The following SLC26A8 variants were observed in gnomAD, a reference collection of about 807,000 sequenced individuals.
SLC26A8 encodes the protein solute carrier family 26 member 8.
In SLC26A8, 70 loss-of-function variants were observed where a neutral mutation model predicts 105.0. That is an observed-to-expected ratio of 0.67 (90% CI 0.55 to 0.81). SLC26A8 has a LOEUF of 0.81. SLC26A8 is among the 40% of genes least tolerant of loss of function. The pLI is 0.00. For synonymous variants in SLC26A8, 415 were observed against 438.3 expected, an observed-to-expected ratio of 0.95 and a Z score of 0.66; for missense variants, 998 against 1,181.8, an observed-to-expected ratio of 0.84 and a Z score of 2.28.
chr6:36,015,244 C>A (rs905083444), intron 2 of SLC26A8, among the ~76,000 whole-genome samples: 5 of 151,986 alleles, frequency 3.3e-5, no homozygotes, highest in African/African-American at 1.2e-4. Flanking sequence ...TACCGAGTAG[C>A]TGGAATGACA....
intron 2 of SLC26A8, 123 bp downstream of exon 2, chr6:36,019,397 C>A (rs1268860533): frequency 6.5e-6 from 7 of 1,077,458 alleles, no homozygotes; most frequent in Non-Finnish European, 9.1e-6. Context: ...AAAAATTGCA[C>A]AATAAACTGC....
intron 2 of SLC26A8, among the ~76,000 whole-genome samples, chr6:36,016,638 C>G (rs1318352265): frequency 6.6e-6 from 1 of 152,114 alleles, no homozygotes; most frequent in Non-Finnish European, 1.5e-5. Flanking sequence ...TTCAATGTAA[C>G]TGGTTTTCCT....
In SLC26A8 at chr6:36,018,026, G is replaced by A. The variant is rs138796156; in HGVS notation, c.188+1494C>T. 9.5e-3 allele frequency among the ~76,000 whole-genome samples: 1,446 copies of A among 152,278 alleles called. 61 individuals are homozygous for A. The highest frequency in any genetic ancestry group is 0.071 in the Admixed American group (1,092 of 15,294). On this transcript the variant is annotated intron_variant, in intron 2 of 19. Transcript: ENST00000490799. ...TAGGTTGGCTATAATTTAAAAAAAT[G>A]GAAAATAACAAATGTTGGAGAGCAC...
intron 2 of SLC26A8, among the ~76,000 whole-genome samples, chr6:36,014,700 C>T (rs540005769): frequency 7.2e-5 from 11 of 151,960 alleles, no homozygotes; most frequent in African/African-American, 2.4e-4. Context: ...GCCAATATGG[C>T]GAAACCCCGT....
In SLC26A8 at chr6:36,012,391, G is replaced by A. The variant is rs778048906; in HGVS notation, c.189-19C>T. On this transcript the variant is annotated intron_variant, in intron 2 of 19. Transcript: ENST00000490799. ...TGAGCAGCTGTGAGAGAGAGGAGCA[G>A]AGACTTGGTTAGTTTCTCCAAAGAA... is the stretch of plus-strand genomic sequence containing the variant. 6.4e-7 allele frequency: 1 copy of A among 1,557,410 alleles called. No individual in the cohort carries two copies. Among genetic ancestry groups the A allele is most frequent in the East Asian group, 2.3e-5 (1 of 42,746 alleles).
intron 19 of SLC26A8, 52 bp from the exon 20 acceptor site, chr6:35,944,392 T>G (rs1198685167): frequency 1.5e-6 from 2 of 1,292,138 alleles, no homozygotes; most frequent in Non-Finnish European, 2.2e-6. Context: ...AACCTTCTGC[T>G]GAACGCAGTG....
chr6:35,979,293 C>T (rs1000428773), intron 8 of SLC26A8, among the ~76,000 whole-genome samples: 2 of 151,898 alleles, frequency 1.3e-5, no homozygotes, highest in African/African-American at 4.8e-5. Context: ...CTGGCTAACA[C>T]GGTGAAACCC....
intron 17 of SLC26A8, among the ~76,000 whole-genome samples, chr6:35,951,989 A>G (rs947987375): frequency 6.6e-6 from 1 of 152,222 alleles, no homozygotes; most frequent in Non-Finnish European, 1.5e-5. Context: ...TATGCCGGAA[A>G]ACATCTACAG....
intron 3 of SLC26A8, among the ~76,000 whole-genome samples, chr6:36,009,855 G>T (rs1018297977): frequency 6.6e-6 from 1 of 152,184 alleles, no homozygotes; most frequent in Non-Finnish European, 1.5e-5. Context: ...ACTGGGTAAA[G>T]GGTACATGGG....
intron 11 of SLC26A8, among the ~76,000 whole-genome samples, chr6:35,966,495 C>G (rs1772521725): frequency 1.3e-5 from 2 of 152,156 alleles, no homozygotes; most frequent in South Asian, 4.1e-4. Flanking sequence ...AAGTTAAACT[C>G]ATACATAATT....
chr6:35,997,920 C>A lies in SLC26A8; in HGVS notation c.446-1G>T, dbSNP rs1224480888. 3 of 1,613,248 alleles carry A rather than the reference C, an allele frequency of 1.9e-6. No homozygotes were observed. Among genetic ancestry groups the A allele is most frequent in the Non-Finnish European group, 2.5e-6 (3 of 1,179,596 alleles). On this transcript the variant is annotated splice_acceptor_variant, in intron 4 of 19. Coordinates refer to ENST00000490799, the MANE Select transcript of SLC26A8 (RefSeq NM_052961.4). LOFTEE classifies it high-confidence loss of function. Reference sequence around the variant, plus strand: ...AGAGCACTCACCAGGAAGAAGGAACCTGTGGAAGAAGATGTTAGGTAGAAG... The same window carrying A: ...AGAGCACTCACCAGGAAGAAGGAACATGTGGAAGAAGATGTTAGGTAGAAG...
In SLC26A8 at chr6:35,955,285, A is replaced by G; in HGVS notation, c.2099T>C (p.Val700Ala). ...SRNSSPGLPD[V>A]AESQGRRSLI... ...TGATCTCCTCCCCTGGCTTTCCGCC[A>G]CATCAGGCAGTCCTGGTGAGCTGTT... The change falls in exon 17 of 20, where the codon GTG becomes GCG. Residue 700 changes from valine (V) to alanine (A), a missense_variant. Transcript: ENST00000490799. 1 of 1,614,190 alleles carries G rather than the reference A, an allele frequency of 6.2e-7. No homozygotes were observed. Among genetic ancestry groups the G allele is most frequent in the South Asian group, 1.1e-5 (1 of 91,084 alleles).
At chr6:35,945,048 C>T (rs1456226227) in intron 19 of SLC26A8, among the ~76,000 whole-genome samples, 1 of 152,102 alleles carries the variant, frequency 6.6e-6, no homozygotes, top group Admixed American at 6.6e-5. Flanking sequence ...CAGGGTTTCA[C>T]CATGTTGGCC....
intron 2 of SLC26A8, among the ~76,000 whole-genome samples, chr6:36,019,072 C>T (rs967044141): frequency 5.3e-5 from 8 of 152,138 alleles, no homozygotes; most frequent in South Asian, 2.1e-4. Context: ...AATTACAGCA[C>T]GTGCCACCAC....
intron 17 of SLC26A8, among the ~76,000 whole-genome samples, chr6:35,951,815 A>G (rs754222093): frequency 2.6e-5 from 4 of 152,198 alleles, no homozygotes; most frequent in Non-Finnish European, 4.4e-5. Context: ...TGACTTCGTG[A>G]TCTGCCTGCC....
chr6:35,969,040 C>T, intron 10 of SLC26A8, 86 bp from the exon 11 acceptor site: 1 of 1,193,410 alleles, frequency 8.4e-7, no homozygotes, highest in Non-Finnish European at 1.2e-6. Flanking sequence ...TGGTGAGAAG[C>T]ATGTCAATTT....
chr6:35,953,978 A>C (rs1771966183), intron 17 of SLC26A8, among the ~76,000 whole-genome samples: 1 of 152,226 alleles, frequency 6.6e-6, no homozygotes, highest in African/African-American at 2.4e-5. Flanking sequence ...CAAAGGCACA[A>C]ATCTCAAAAG....
chr6:36,013,533 C>G (rs528626051), intron 2 of SLC26A8, among the ~76,000 whole-genome samples: 180 of 152,256 alleles, frequency 1.2e-3, no homozygotes, highest in African/African-American at 3.9e-3. Context: ...CTAAACATCA[C>G]AGAATACACA....
chr6:35,992,447 A>C, intron 6 of SLC26A8, 63 bp downstream of exon 6: 2 of 1,543,674 alleles, frequency 1.3e-6, no homozygotes, highest in Non-Finnish European at 1.8e-6. Context: ...ACTGAGCTCC[A>C]CTTTTCTTTG....
Sources: allele counts gnomAD v4.1 joint callset (sites outside exome capture counted in the v4.1 genomes callset), GRCh38; gene constraint gnomAD v4.1.1; transcripts MANE v1.5; gene names NCBI Gene and HGNC (gene_info 2026-07-23, HGNC 2026-07-21).